LRRC4C: variants seen among roughly 807,000 people sequenced by gnomAD.
The protein encoded by LRRC4C is leucine rich repeat containing 4C, also known as leucine-rich repeat-containing protein 4C.
LRRC4C carries 5 observed loss-of-function variants against 33.6 expected under a neutral mutation model. The observed-to-expected ratio is 0.15, with a 90% CI of 0.08 to 0.31. The LOEUF (loss-of-function observed/expected upper bound fraction) is 0.31. Ranked by LOEUF, LRRC4C falls within the 10% of genes least tolerant of loss-of-function variation. LRRC4C has a pLI of 1.00. For synonymous variants in LRRC4C, 329 were observed against 302.0 expected, an observed-to-expected ratio of 1.09 and a Z score of -0.93; for missense variants, 560 against 796.7, an observed-to-expected ratio of 0.70 and a Z score of 3.58.
intron 1 of LRRC4C, among the ~76,000 whole-genome samples, chr11:41,052,227 T>C (rs1490277202): frequency 6.6e-6 from 1 of 152,062 alleles, no homozygotes; most frequent in African/African-American, 2.4e-5. Context: ...CCTTTGCAAA[T>C]ATAAAAAACT....
chr11:40,471,569 C>A (rs1419526549), intron 3 of LRRC4C, among the ~76,000 whole-genome samples: 3 of 151,674 alleles, frequency 2.0e-5, no homozygotes, highest in Non-Finnish European at 4.4e-5. Context: ...GCTAAATACC[C>A]CAATTAAAAG....
intron 2 of LRRC4C, among the ~76,000 whole-genome samples, chr11:40,873,480 G>A (rs1162172808): frequency 6.6e-6 from 1 of 152,100 alleles, no homozygotes; most frequent in Non-Finnish European, 1.5e-5. Flanking sequence ...AATAAACTGG[G>A]TCCTTCCTCT....
At position 40,566,759 on chromosome 11, in the gene LRRC4C, T is replaced by C. The variant is rs557491638; in HGVS notation, c.-270+81383A>G. Among the ~76,000 whole-genome samples, 7 of 152,266 alleles carry C rather than the reference T, an allele frequency of 4.6e-5. No homozygotes were observed. The South Asian group carries it at 1.4e-3, about 31-fold the overall frequency. Reference sequence around the variant, plus strand: ...CATTATTGCTAAGATAATTTTTAAATATTGAAAGTAAGCATAGCTATAATT... The same window carrying C: ...CATTATTGCTAAGATAATTTTTAAACATTGAAAGTAAGCATAGCTATAATT... On this transcript the variant is annotated intron_variant, in intron 3 of 6. Coordinates refer to ENST00000528697, the MANE Select transcript of LRRC4C (RefSeq NM_001258419.2).
At chr11:40,548,570 A>G (rs1304534075) in intron 3 of LRRC4C, among the ~76,000 whole-genome samples, 1 of 152,042 alleles carries the variant, frequency 6.6e-6, no homozygotes, top group East Asian at 1.9e-4. Context: ...AATTTCTCTT[A>G]TTTAAGCCAG....
At chr11:41,018,766 C>G (rs947756482) in intron 1 of LRRC4C, among the ~76,000 whole-genome samples, 2 of 152,114 alleles carry the variant, frequency 1.3e-5, no homozygotes, top group Non-Finnish European at 2.9e-5. Flanking sequence ...GATTCCAATG[C>G]AGGTGACTCT....
At chr11:40,184,381 T>A (rs1287278348) in intron 5 of LRRC4C, among the ~76,000 whole-genome samples, 2 of 152,132 alleles carry the variant, frequency 1.3e-5, no homozygotes, top group Non-Finnish European at 2.9e-5. Context: ...CCACAAATTG[T>A]CTCTTTTGAG....
intron 1 of LRRC4C, among the ~76,000 whole-genome samples, chr11:41,328,193 T>C (rs1314058548): frequency 6.6e-6 from 1 of 152,090 alleles, no homozygotes; most frequent in Non-Finnish European, 1.5e-5. Context: ...TTTCTTGTTA[T>C]CCCTCCAAGT....
chr11:40,952,888 ACACACACACTCTCTCT>A (rs1350622090), intron 1 of LRRC4C, among the ~76,000 whole-genome samples: 65 of 55,184 alleles, frequency 1.2e-3, no homozygotes, highest in South Asian at 9.4e-3. Context: ...ACACACACAC[ACACACACACTCTCTCT>A]CTCTCTCTCT....
intron 1 of LRRC4C, among the ~76,000 whole-genome samples, chr11:41,124,114 G>A (rs1942617095): frequency 6.6e-6 from 1 of 152,144 alleles, no homozygotes; most frequent in South Asian, 2.1e-4. Flanking sequence ...TAATTATGAT[G>A]ATGAGAAACA....
intron 1 of LRRC4C, among the ~76,000 whole-genome samples, chr11:40,987,220 A>G (rs1853079665): frequency 6.6e-6 from 1 of 152,202 alleles, no homozygotes; most frequent in Non-Finnish European, 1.5e-5. Context: ...GCCCTTGACC[A>G]TGTCCATAAA....
chr11:40,851,617 A>G (rs1423213341), intron 2 of LRRC4C, among the ~76,000 whole-genome samples: 1 of 152,114 alleles, frequency 6.6e-6, no homozygotes, highest in African/African-American at 2.4e-5. Flanking sequence ...TTTAATTTAA[A>G]AAACAAATGA....
chr11:40,474,051 C>T (rs1046209135), intron 3 of LRRC4C, among the ~76,000 whole-genome samples: 7 of 151,994 alleles, frequency 4.6e-5, no homozygotes, highest in African/African-American at 1.4e-4. Flanking sequence ...AGATTCAATG[C>T]TATTCCATCA....
chr11:41,076,004 G>A (rs1939123727), intron 1 of LRRC4C, among the ~76,000 whole-genome samples: 1 of 151,946 alleles, frequency 6.6e-6, no homozygotes, highest in Admixed American at 6.6e-5. Context: ...CTACCCTCTT[G>A]TCTTGATGTC....
chr11:41,220,605 G>T (rs1565490825), intron 1 of LRRC4C, among the ~76,000 whole-genome samples: 1 of 148,720 alleles, frequency 6.7e-6, no homozygotes, highest in East Asian at 2.0e-4. Context: ...AGATTTTAAA[G>T]AATTTTACTT....
chr11:40,847,253 G>T (rs1953227595), intron 2 of LRRC4C, among the ~76,000 whole-genome samples: 1 of 152,086 alleles, frequency 6.6e-6, no homozygotes, highest in Admixed American at 6.5e-5. Flanking sequence ...TTCAGCTTTT[G>T]CTCATTCAAT....
chr11:40,613,700 C>G (rs1961467926), intron 3 of LRRC4C, among the ~76,000 whole-genome samples: 1 of 151,784 alleles, frequency 6.6e-6, no homozygotes, highest in South Asian at 2.1e-4. Flanking sequence ...CAAGATCCAT[C>G]AGAGAAATCA....
intron 5 of LRRC4C, among the ~76,000 whole-genome samples, chr11:40,221,902 A>G (rs1864447475): frequency 6.6e-6 from 1 of 152,162 alleles, no homozygotes; most frequent in Non-Finnish European, 1.5e-5. Context: ...TTGCTCACTC[A>G]GGGAGCTTGG....
chr11:40,298,829 C>A (rs1944637117), intron 4 of LRRC4C, among the ~76,000 whole-genome samples: 1 of 152,072 alleles, frequency 6.6e-6, no homozygotes, highest in Non-Finnish European at 1.5e-5. Flanking sequence ...CTAGCAAGAG[C>A]AGGGAAAACT....
intron 2 of LRRC4C, among the ~76,000 whole-genome samples, chr11:40,723,871 C>G (rs764970756): frequency 3.0e-4 from 46 of 152,118 alleles, no homozygotes; most frequent in Admixed American, 5.2e-4. Flanking sequence ...ACCCATCTCT[C>G]ATGTAATGAC....
Sources: gnomAD v4.1 joint callset for allele counts (sites outside exome capture counted in the v4.1 genomes callset) on GRCh38, gnomAD v4.1.1 for gene constraint, MANE v1.5 for transcripts, NCBI Gene and HGNC (gene_info 2026-07-23, HGNC 2026-07-21) for gene names.